Variants in IL31RA observed in about 807,000 individuals in gnomAD.
IL31RA encodes interleukin-31 receptor subunit alpha.
In IL31RA, 66 loss-of-function variants were observed where a neutral mutation model predicts 83.7. That is an observed-to-expected ratio of 0.79 (90% CI 0.65 to 0.97). The LOEUF (loss-of-function observed/expected upper bound fraction) is 0.97. IL31RA is among the 50% of genes least tolerant of loss of function. The pLI, the probability that IL31RA is intolerant of heterozygous loss-of-function variation, is 0.00. For synonymous variants in IL31RA, 325 were observed against 329.0 expected (o/e 0.99, Z 0.13); for missense variants, 798 against 919.4 (o/e 0.87, Z 1.71).
intron 3 of IL31RA, among the ~76,000 whole-genome samples, chr5:55,870,772 C>T (rs1746459858): frequency 2.6e-5 from 4 of 152,164 alleles, no homozygotes; most frequent in Admixed American, 2.6e-4. Flanking sequence ...GATGGCCTAC[C>T]TGGGAGCACT....
chr5:55,890,247 C>T lies in IL31RA; in HGVS notation c.772+112C>T, dbSNP rs939662252. The T allele has an allele frequency of 1.1e-5, 11 of 1,044,132 alleles. No homozygotes were observed. In the Admixed American group the frequency reaches 1.7e-4, roughly 16 times the overall value. 64.7% of individuals were successfully genotyped at this position (1,044,132 alleles called of 1,614,324 possible). ...TTGGGAATCATGGAATCTCATGACC[C>T]CAGGGGCCCCCTGTACCATCGAGAG... On this transcript the variant is annotated intron_variant, in intron 6 of 14. Coordinates refer to ENST00000652347, the MANE Select transcript of IL31RA (RefSeq NM_139017.7).
At chr5:55,873,224 G>T (rs1230636346) in intron 4 of IL31RA, among the ~76,000 whole-genome samples, 1 of 152,046 alleles carries the variant, frequency 6.6e-6, no homozygotes, top group Admixed American at 6.6e-5. Flanking sequence ...CAATGTTGTA[G>T]CATGTATTAG....
At position 55,883,174 on chromosome 5, in the gene IL31RA, G is replaced by C; in HGVS notation, c.585G>C (p.Arg195Ser). ...ATTTAAAATACACACTTCGATTCAGGACAGTCAACAGTACCAGCTGGGTAA... is the reference window on the plus strand; with the variant it reads ...ATTTAAAATACACACTTCGATTCAGCACAGTCAACAGTACCAGCTGGGTAA... ...SSDLKYTLRFRTVNSTSWMEV... is the reference protein window; with the variant it reads ...SSDLKYTLRFSTVNSTSWMEV... The change falls in exon 5 of 15, where the codon AGG (arginine) becomes AGC (serine). Residue 195 changes from arginine to serine, a missense_variant. Coordinates refer to ENST00000652347, the MANE Select transcript of IL31RA (RefSeq NM_139017.7). The C allele has an allele frequency of 1.9e-6, 3 of 1,613,810 alleles. No individual in the cohort carries two copies. The highest frequency in any genetic ancestry group is 1.7e-4 in the Middle Eastern group (1 of 6,060).
At chr5:55,877,392 A>T (rs1252480321) in intron 4 of IL31RA, among the ~76,000 whole-genome samples, 3 of 152,234 alleles carry the variant, frequency 2.0e-5, no homozygotes, top group Non-Finnish European at 1.5e-5. Flanking sequence ...CCATAATTAC[A>T]ATAATACTAG....
intron 8 of IL31RA, among the ~76,000 whole-genome samples, chr5:55,901,488 G>A (rs1028486367): frequency 6.6e-6 from 1 of 151,998 alleles, no homozygotes; most frequent in African/African-American, 2.4e-5. Flanking sequence ...GTAAAATGGA[G>A]CTATTATATA....
intron 11 of IL31RA, chr5:55,908,792 A>G: frequency 7.1e-7 from 1 of 1,401,478 alleles, no homozygotes; most frequent in South Asian, 1.8e-5. Context: ...CTGCCAAATC[A>G]TGCTTTTGTT....
chr5:55,886,289 T>G (rs77705721), intron 5 of IL31RA, among the ~76,000 whole-genome samples: 2 of 146,726 alleles, frequency 1.4e-5, no homozygotes, highest in Non-Finnish European at 3.0e-5. Context: ...TTTTTTTTTT[T>G]TTGAGGTGGA....
chr5:55,872,506 C>T (rs1411820422), intron 4 of IL31RA, 55 bp downstream of exon 4: 7 of 831,230 alleles, frequency 8.4e-6, no homozygotes, highest in African/African-American at 2.3e-5. Flanking sequence ...ACCTCCTTCT[C>T]TGTTCAAGAG....
chr5:55,854,096 C>A (rs1274007986), intron 1 of IL31RA, among the ~76,000 whole-genome samples: 1 of 152,192 alleles, frequency 6.6e-6, no homozygotes, highest in Non-Finnish European at 1.5e-5. Flanking sequence ...ACAAACCCTA[C>A]ACGGATTTTT....
At chr5:55,872,011 A>G (rs982728604) in intron 3 of IL31RA, among the ~76,000 whole-genome samples, 2 of 152,130 alleles carry the variant, frequency 1.3e-5, no homozygotes, top group Non-Finnish European at 2.9e-5. Flanking sequence ...CATTGCAACT[A>G]TAGCTTTTCA....
intron 8 of IL31RA, among the ~76,000 whole-genome samples, chr5:55,904,474 A>G (rs781225497): frequency 1.3e-5 from 2 of 152,190 alleles, no homozygotes; most frequent in Non-Finnish European, 2.9e-5. Context: ...GGCTGGAAGG[A>G]GAAACTCAGA....
chr5:55,871,371 C>A (rs572619466), intron 3 of IL31RA, among the ~76,000 whole-genome samples: 1 of 152,310 alleles, frequency 6.6e-6, no homozygotes, highest in African/African-American at 2.4e-5. Flanking sequence ...CACACACCAG[C>A]AAACACTGGT....
At chr5:55,879,057 G>T (rs1412885926) in intron 4 of IL31RA, among the ~76,000 whole-genome samples, 2 of 152,104 alleles carry the variant, frequency 1.3e-5, no homozygotes, top group African/African-American at 2.4e-5. Context: ...CTTGCCCCAG[G>T]CTTCCATGTG....
chr5:55,852,140 T>C (rs143355268), intron 1 of IL31RA: 1 of 153,826 alleles, frequency 6.5e-6, no homozygotes, highest in African/African-American at 2.4e-5. Flanking sequence ...CTTTTCTCTA[T>C]AGTATATTAT....
rs1554020984 is a variant in IL31RA at position 55,922,058 on chromosome 5, G to GGC, written c.*4939_*4940insCG. ...TCTTGCACTCTTATGTTGTGGCGGG[G>GGC]GGGGGGGGCGGTTCCTGAAGAGTGG... is the stretch of plus-strand genomic sequence containing the variant. On this transcript the variant is annotated 3_prime_UTR_variant, in exon 15 of 15. Coordinates refer to ENST00000652347, the MANE Select transcript of IL31RA (RefSeq NM_139017.7). Among the ~76,000 whole-genome samples the GGC allele has an allele frequency of 6.8e-6, 1 of 146,382 alleles. No individual in the cohort carries two copies. The highest frequency in any genetic ancestry group is 1.5e-5 in the Non-Finnish European group (1 of 66,774).
rs769728882 is a variant in IL31RA, at chr5:55,883,045, G to A, written c.456G>A (p.Ala152=). 1.4e-5 allele frequency: 22 copies of A among 1,613,446 alleles called. No individual in the cohort carries two copies. The East Asian group carries it at 2.0e-4, about 15-fold the overall frequency. ...HMTYWRLENI[A]KTEPPKIFRV... Reference sequence around the variant, plus strand: ...GAGTTGTATGATTTTTATTTTCAGCGAAAACTGAACCACCTAAGATTTTCC... The same window carrying A: ...GAGTTGTATGATTTTTATTTTCAGCAAAAACTGAACCACCTAAGATTTTCC... The change falls in exon 5 of 15, where the codon GCG becomes GCA. Residue 152 remains alanine, a splice_region_variant and synonymous_variant. Coordinates refer to ENST00000652347, the MANE Select transcript of IL31RA (RefSeq NM_139017.7).
At chr5:55,880,626 G>C (rs1747150807) in intron 4 of IL31RA, among the ~76,000 whole-genome samples, 1 of 152,202 alleles carries the variant, frequency 6.6e-6, no homozygotes, top group African/African-American at 2.4e-5. Context: ...ATGGCACTGT[G>C]TGACAGCAGC....
intron 5 of IL31RA, among the ~76,000 whole-genome samples, chr5:55,888,818 G>A (rs1747800585): frequency 6.6e-6 from 1 of 152,132 alleles, no homozygotes; most frequent in Admixed American, 6.6e-5. Flanking sequence ...GCCTCTTCTT[G>A]TTCCACCTCC....
At chr5:55,856,550 T>C (rs1384542953) in intron 1 of IL31RA, among the ~76,000 whole-genome samples, 2 of 152,244 alleles carry the variant, frequency 1.3e-5, no homozygotes, top group African/African-American at 4.8e-5. Flanking sequence ...GAGACTGATA[T>C]ATTGAAACCA....
Sources: gnomAD v4.1 joint callset for allele counts (sites outside exome capture counted in the v4.1 genomes callset) on GRCh38, gnomAD v4.1.1 for gene constraint, MANE v1.5 for transcripts, NCBI Gene and HGNC (gene_info 2026-07-23, HGNC 2026-07-21) for gene names.